ZZEF1: variants seen among roughly 807,000 people sequenced by gnomAD.
ZZEF1 encodes zinc finger ZZ-type and EF-hand domain containing 1.
In ZZEF1, 157 loss-of-function variants were observed where a neutral mutation model predicts 342.8. The observed-to-expected ratio is 0.46, with a 90% CI of 0.40 to 0.52. ZZEF1 has a LOEUF of 0.52. Among genes scored for constraint, ZZEF1 ranks in the 20% least tolerant of loss-of-function variants. The probability of loss-of-function intolerance (pLI) is 0.00; values close to 1 mark genes in which losing one functional copy is unlikely to be tolerated. For missense variants in ZZEF1, 3,480 were observed against 3,725.6 expected (o/e 0.93, Z 1.72); for synonymous variants, 1,505 against 1,429.1 (o/e 1.05, Z -1.20).
chr17:4,090,912 A>G lies in ZZEF1; in HGVS notation c.1914-82T>C, dbSNP rs528029016. 370 of 1,037,658 alleles carry G rather than the reference A, an allele frequency of 3.6e-4. 3 individuals carry two copies. The African/African-American group carries it at 5.0e-3, about 14-fold the overall frequency. 64.3% of individuals were successfully genotyped at this position (1,037,658 alleles called of 1,614,324 possible). A position where few individuals can be genotyped will look rare whatever the true frequency, so the allele number is the denominator to read the frequency against. On this transcript the variant is annotated intron_variant, in intron 11 of 54. Transcript: ENST00000381638. The stretch of plus-strand genomic sequence containing the variant: ...ACAAATAAGGTATCATCTAAGTGAC[A>G]TGTAACTTGTATCTGTAGCCTGTCA...
At chr17:4,114,683 C>A (rs992673894) in intron 3 of ZZEF1, among the ~76,000 whole-genome samples, 9 of 152,118 alleles carry the variant, frequency 5.9e-5, no homozygotes, top group African/African-American at 2.2e-4. Context: ...CAAACTGTTA[C>A]GTCATTGGCA....
In ZZEF1 at chr17:4,133,418, C is replaced by A. The variant is rs149878343; in HGVS notation, c.354+9124G>T. Among the ~76,000 whole-genome samples the A allele has an allele frequency of 9.8e-5, 15 of 152,294 alleles. No individual in the cohort carries two copies. In the East Asian group the frequency reaches 2.9e-3, roughly 29 times the overall value. ...CACAACTCCCTTCCCCTTCCTTTGA[C>A]CAGATAACCCCTCGGGTTCCTTACC... On this transcript the variant is annotated intron_variant, in intron 1 of 54. Transcript: ENST00000381638.
At chr17:4,141,480 G>A (rs758783153) in intron 1 of ZZEF1, among the ~76,000 whole-genome samples, 2 of 152,078 alleles carry the variant, frequency 1.3e-5, no homozygotes, top group Non-Finnish European at 2.9e-5. Flanking sequence ...GTCATACCGT[G>A]GTGTTAAAAG....
In ZZEF1 at chr17:4,109,733, A is replaced by G. The variant is rs767850145; in HGVS notation, c.1197T>C (p.Tyr399=). 6.2e-7 allele frequency: 1 copy of G among 1,614,210 alleles called. No individual in the cohort carries two copies. Among genetic ancestry groups the G allele is most frequent in the African/African-American group, 1.3e-5 (1 of 75,064 alleles). Residue 399 remains tyrosine (Y), a synonymous_variant, in exon 6 of 55, where the codon TAT becomes TAC. Coordinates refer to ENST00000381638, the MANE Select transcript of ZZEF1 (RefSeq NM_015113.4). ...VSVSDASAIW[Y]WSLLTSLVTA... is the part of the protein sequence containing the mutation. ...TCACCAGAGATGTCAGCAGAGACCA[A>G]TACCATATTGCAGAAGCATCTGAGA...
Position 4,140,880 on chromosome 17 carries a change from A to G in ZZEF1, c.354+1662T>C, listed in dbSNP as rs562995707. On this transcript the variant is annotated intron_variant, in intron 1 of 54. Coordinates refer to ENST00000381638, the MANE Select transcript of ZZEF1 (RefSeq NM_015113.4). ...ACTATGTGTATTCCTGGGGGGAAAA[A>G]AAAAGGAGATCTTTCACTAACTAAT... Among the ~76,000 whole-genome samples, 21 of 151,686 alleles carry G rather than the reference A, an allele frequency of 1.4e-4. No homozygotes were observed. The South Asian group carries it at 3.3e-3, about 24-fold the overall frequency.
Position 4,115,232 on chromosome 17 carries a change from G to A in ZZEF1, c.695-762C>T, listed in dbSNP as rs115791417. Among the ~76,000 whole-genome samples, 797 of 152,136 alleles carry A rather than the reference G, an allele frequency of 5.2e-3. 10 individuals are homozygous for A. The highest frequency in any genetic ancestry group is 0.018 in the African/African-American group (763 of 41,476). On this transcript the variant is annotated intron_variant, in intron 3 of 54. Transcript: ENST00000381638. ...GGAGAGATGGGGTCATCCCTGTGTT[G>A]CCCAGGCTGGTGTCAAACTCCTGGC... is the stretch of plus-strand genomic sequence containing the variant.
At chr17:4,023,278 G>C (rs1235531331) in intron 43 of ZZEF1, among the ~76,000 whole-genome samples, 1 of 152,098 alleles carries the variant, frequency 6.6e-6, no homozygotes. Flanking sequence ...ACCCACAGCA[G>C]TTTTTCTCGC....
Position 4,056,006 on chromosome 17 carries a change from C to A in ZZEF1, c.5295+210G>T, listed in dbSNP as rs140125845. ...GTGAAAATCCAATGCCGCAGCTGAT[C>A]GGACAGGAGGCGGAGCTCAGCCTCC... On this transcript the variant is annotated intron_variant, in intron 33 of 54. Coordinates refer to ENST00000381638, the MANE Select transcript of ZZEF1 (RefSeq NM_015113.4). Among the ~76,000 whole-genome samples, 168 of 152,336 alleles carry A rather than the reference C, an allele frequency of 1.1e-3. 1 individual carries two copies. The highest frequency in any genetic ancestry group is 6.8e-3 in the Middle Eastern group (2 of 294).
chr17:4,009,388 T>C (rs943497904), intron 53 of ZZEF1: 5 of 647,094 alleles, frequency 7.7e-6, no homozygotes, highest in African/African-American at 1.8e-5. Flanking sequence ...CCATTGGCTC[T>C]AGGCCTGACA....
At chr17:4,083,152 C>G (rs2057755431) in intron 16 of ZZEF1, among the ~76,000 whole-genome samples, 1 of 152,216 alleles carries the variant, frequency 6.6e-6, no homozygotes, top group Non-Finnish European at 1.5e-5. Flanking sequence ...TCCGAAGATA[C>G]TGAGGAGGCA....
Position 4,016,074 on chromosome 17 carries a change from G to A in ZZEF1, c.8145+249C>T, listed in dbSNP as rs548882950. Among the ~76,000 whole-genome samples the A allele has an allele frequency of 6.6e-6, 1 of 152,350 alleles. No individual in the cohort carries two copies. Among genetic ancestry groups the A allele is most frequent in the Admixed American group, 6.5e-5 (1 of 15,312 alleles). On this transcript the variant is annotated intron_variant, in intron 49 of 54. Transcript: ENST00000381638. This position sits in a 1 kb window ranked among gnomAD's most constrained non-coding sequence, Gnocchi z 4.4. ...AGGGAAAGTAAAGCTCTCCTCCAGG[G>A]CTAGGTGGCCCATTTTCTTCTATTA... is the stretch of plus-strand genomic sequence containing the variant.
rs199587802 is a variant in ZZEF1 at position 4,074,334 on chromosome 17, G to A, written c.3501C>T (p.Ala1167=). The change falls in exon 24 of 55, where the codon GCC becomes GCT. Residue 1167 remains alanine, a synonymous_variant. Coordinates refer to ENST00000381638, the MANE Select transcript of ZZEF1 (RefSeq NM_015113.4). ...DKWPKKVTFK[A]GPRLQFLFHS... Reference sequence around the variant, plus strand: ...GAAAGAGGAACTGCAACCGAGGACCGGCCTTGAAGGTCACTTTCTAGAGAC... The same window carrying A: ...GAAAGAGGAACTGCAACCGAGGACCAGCCTTGAAGGTCACTTTCTAGAGAC... 1.4e-5 allele frequency: 22 copies of A among 1,614,148 alleles called. No individual in the cohort carries two copies. Among genetic ancestry groups the A allele is most frequent in the East Asian group, 1.1e-4 (5 of 44,884 alleles).
In ZZEF1 at chr17:4,005,906, ATG is replaced by A. The variant is rs988903290; in HGVS notation, c.*982_*983del. On this transcript the variant is annotated 3_prime_UTR_variant, in exon 55 of 55. Transcript: ENST00000381638. ...CAAGACTAAACCCATCAAAAGAAAA[ATG>A]TAAAACAGCACTGACTAGAACTAAT... is the stretch of plus-strand genomic sequence containing the variant. The A allele has an allele frequency of 3.3e-5, 5 of 152,368 alleles. No individual in the cohort carries two copies. The highest frequency in any genetic ancestry group is 9.6e-5 in the African/African-American group (4 of 41,570). The allele number at this position is 152,368 out of a possible 1,614,324, so 9.4% of individuals were successfully genotyped here. A position where few individuals can be genotyped will look rare whatever the true frequency, so the allele number is the denominator to read the frequency against.
chr17:4,125,345 T>C (rs1255007146), intron 1 of ZZEF1, among the ~76,000 whole-genome samples: 3 of 152,192 alleles, frequency 2.0e-5, no homozygotes, highest in African/African-American at 7.2e-5. Flanking sequence ...CTCTCCTCCA[T>C]GAAATAGGAA....
At chr17:4,033,114 C>T (rs756478862) in intron 40 of ZZEF1, 112 bp from the exon 41 acceptor site, 1 of 1,065,364 alleles carries the variant, frequency 9.4e-7, no homozygotes, top group Non-Finnish European at 1.3e-6. Flanking sequence ...CATTCATTAA[C>T]TAGCTTAAAA....
intron 37 of ZZEF1, among the ~76,000 whole-genome samples, chr17:4,044,588 G>A (rs1041867041): frequency 2.6e-5 from 4 of 151,030 alleles, no homozygotes; most frequent in Non-Finnish European, 4.4e-5. Context: ...GTGTGATCTC[G>A]GCTCACTGCA....
intron 26 of ZZEF1, 26 bp downstream of exon 26, chr17:4,070,657 CA>C: frequency 6.2e-7 from 1 of 1,601,532 alleles, no homozygotes; most frequent in South Asian, 1.1e-5. Flanking sequence ...GCCTTCAGAT[CA>C]AAAATATTCC....
At chr17:4,132,674 T>TAG (rs2058681366) in intron 1 of ZZEF1, among the ~76,000 whole-genome samples, 1 of 132,640 alleles carries the variant, frequency 7.5e-6, no homozygotes, top group South Asian at 2.7e-4. Context: ...CTACTAAAAA[T>TAG]ACAAAAAATT....
chr17:4,077,991 A>C lies in ZZEF1; in HGVS notation c.2881T>G (p.Phe961Val), dbSNP rs1478262701. Residue 961 changes from phenylalanine (F) to valine (V), a missense_variant, in exon 19 of 55, where the codon TTC becomes GTC. By Grantham distance (50) the Phe-to-Val change is conservative (BLOSUM62 -1). This residue lies in a region of ZZEF1 where 1,528 missense variants were observed against 1,624.1 expected (regional missense o/e 0.94). Coordinates refer to ENST00000381638, the MANE Select transcript of ZZEF1 (RefSeq NM_015113.4). ...CCTTGGACGGACCAGAACAGGGAGAAGAGCACAGAGCCCACCTCCCCTGGG... is the reference window on the plus strand; with the variant it reads ...CCTTGGACGGACCAGAACAGGGAGACGAGCACAGAGCCCACCTCCCCTGGG... ...GAPGEVGSVL[F>V]SLFWSVQGSL... 1.2e-6 allele frequency: 2 copies of C among 1,614,070 alleles called. No homozygotes were observed. Among genetic ancestry groups the C allele is most frequent in the Non-Finnish European group, 1.7e-6 (2 of 1,180,048 alleles).
Sources: allele counts gnomAD v4.1 joint callset (sites outside exome capture counted in the v4.1 genomes callset), GRCh38; gene constraint gnomAD v4.1.1; regional missense constraint gnomAD v4.1.1; non-coding constraint Gnocchi (gnomAD v3.1); transcripts MANE v1.5; gene names NCBI Gene and HGNC (gene_info 2026-07-23, HGNC 2026-07-21).